Variants in SWT1 observed in about 807,000 individuals in gnomAD.
The protein encoded by SWT1 is SWT1 RNA endoribonuclease homolog, also known as transcriptional protein SWT1.
Under a neutral mutation model 107.3 loss-of-function variants are expected in SWT1, and 33 were observed. That is an observed-to-expected ratio of 0.31 (90% CI 0.23 to 0.41). The LOEUF (loss-of-function observed/expected upper bound fraction) is 0.41. Among genes scored for constraint, SWT1 ranks in the 10% least tolerant of loss-of-function variants. The pLI, the probability that SWT1 is intolerant of heterozygous loss-of-function variation, is 1.00. For missense variants in SWT1, 898 were observed against 1,028.9 expected, an observed-to-expected ratio of 0.87 and a Z score of 1.74; for synonymous variants, 345 against 348.3, an observed-to-expected ratio of 0.99 and a Z score of 0.11.
intron 10 of SWT1, among the ~76,000 whole-genome samples, chr1:185,193,436 T>A (rs1281176503): frequency 6.6e-6 from 1 of 151,924 alleles, no homozygotes; most frequent in African/African-American, 2.4e-5. Flanking sequence ...CTTCAGGTCT[T>A]CTATAACCTT....
chr1:185,191,347 A>G (rs576208546), intron 10 of SWT1, among the ~76,000 whole-genome samples: 2 of 152,300 alleles, frequency 1.3e-5, no homozygotes, highest in African/African-American at 4.8e-5. Flanking sequence ...TGTATGAGAA[A>G]AGGTTCTGAA....
At chr1:185,182,773 A>G (rs945361425) in intron 7 of SWT1, among the ~76,000 whole-genome samples, 3 of 150,964 alleles carry the variant, frequency 2.0e-5, no homozygotes, top group Admixed American at 6.6e-5. Context: ...TTTTTTTGCT[A>G]CTGGGAGAAG....
At chr1:185,158,158 C>T (rs1653796372) in intron 1 of SWT1, among the ~76,000 whole-genome samples, 1 of 152,134 alleles carries the variant, frequency 6.6e-6, no homozygotes, top group Non-Finnish European at 1.5e-5. Flanking sequence ...CTATTTGTTT[C>T]CTACTTGTTT....
At chr1:185,175,146 T>C in intron 5 of SWT1, 33 bp downstream of exon 5, 1 of 1,406,082 alleles carries the variant, frequency 7.1e-7, no homozygotes, top group Non-Finnish European at 9.4e-7. Flanking sequence ...ATATAGGTTT[T>C]AACTGAGAGT....
At chr1:185,264,071 C>T (rs540402933) in intron 16 of SWT1, 1 of 152,310 alleles carries the variant, frequency 6.6e-6, no homozygotes, top group South Asian at 2.1e-4. Context: ...GGTCTCTCCT[C>T]ATTTAGTTGG....
At chr1:185,265,046 A>G (rs1450089775) in intron 16 of SWT1, among the ~76,000 whole-genome samples, 1 of 152,128 alleles carries the variant, frequency 6.6e-6, no homozygotes, top group Non-Finnish European at 1.5e-5. Flanking sequence ...CCCACCACCA[A>G]CTTAAAAAAT....
At chr1:185,221,759 C>A in intron 14 of SWT1, 90 bp from the exon 15 acceptor site, 1 of 854,996 alleles carries the variant, frequency 1.2e-6, no homozygotes. Context: ...TCTCAGAAAG[C>A]TAGAACATTT....
At chr1:185,227,502 A>G in intron 15 of SWT1, 1 of 551,492 alleles carries the variant, frequency 1.8e-6, no homozygotes. Context: ...CTATACGAGC[A>G]GAAGCAGTCT....
At chr1:185,184,091 T>G in intron 7 of SWT1, 152 bp from the exon 8 acceptor site, 1 of 514,174 alleles carries the variant, frequency 1.9e-6, no homozygotes. Context: ...AGCTTGAGAG[T>G]CTAGCCAACT....
At chr1:185,274,371 G>C (rs1416910984) in intron 17 of SWT1, among the ~76,000 whole-genome samples, 1 of 149,800 alleles carries the variant, frequency 6.7e-6, no homozygotes, top group Admixed American at 6.7e-5. Flanking sequence ...TGACCCACTA[G>C]ATCCTTGAAC....
At chr1:185,217,788 G>T (rs919121516) in intron 14 of SWT1, among the ~76,000 whole-genome samples, 1 of 152,126 alleles carries the variant, frequency 6.6e-6, no homozygotes, top group Admixed American at 6.6e-5. Context: ...TAGAGACAGG[G>T]TTTCACCATG....
chr1:185,172,128 C>A (rs1417020383), intron 4 of SWT1, among the ~76,000 whole-genome samples: 1 of 152,174 alleles, frequency 6.6e-6, no homozygotes, highest in African/African-American at 2.4e-5. Context: ...AGAGTGATGG[C>A]ACTGAAAAGG....
At chr1:185,169,250 A>G (rs1654840717) in intron 4 of SWT1, among the ~76,000 whole-genome samples, 1 of 145,968 alleles carries the variant, frequency 6.9e-6, no homozygotes, top group African/African-American at 2.5e-5. Flanking sequence ...CATTTTTTGA[A>G]CCATTTTAAT....
intron 16 of SWT1, chr1:185,263,776 C>T (rs1230979744): frequency 1.3e-5 from 2 of 152,124 alleles, no homozygotes; most frequent in African/African-American, 4.8e-5. Flanking sequence ...GAAACTGGGA[C>T]TAGAATTTTA....
chr1:185,287,771 C>G (rs1337523395), intron 18 of SWT1, among the ~76,000 whole-genome samples: 1 of 152,160 alleles, frequency 6.6e-6, no homozygotes, highest in Non-Finnish European at 1.5e-5. Context: ...ATAGGCCAAG[C>G]AGACACTATG....
intron 16 of SWT1, among the ~76,000 whole-genome samples, chr1:185,237,406 A>G (rs1237972788): frequency 1.3e-5 from 2 of 152,128 alleles, no homozygotes; most frequent in Non-Finnish European, 2.9e-5. Flanking sequence ...TTGCAGGGAG[A>G]TGGATGACTC....
intron 16 of SWT1, among the ~76,000 whole-genome samples, chr1:185,248,991 G>A (rs1661810790): frequency 6.6e-6 from 1 of 152,008 alleles, no homozygotes; most frequent in African/African-American, 2.4e-5. Context: ...TTTGTTTTTT[G>A]TAATGTTTTG....
At chr1:185,241,544 GCCA>G (rs1558067709) in intron 16 of SWT1, among the ~76,000 whole-genome samples, 1 of 151,896 alleles carries the variant, frequency 6.6e-6, no homozygotes, top group African/African-American at 2.4e-5. Flanking sequence ...CATCCTTCAT[GCCA>G]CCATTTTGTA....
chr1:185,208,415 G>A (rs1431374616), intron 13 of SWT1, among the ~76,000 whole-genome samples: 2 of 152,134 alleles, frequency 1.3e-5, no homozygotes, highest in African/African-American at 4.8e-5. Flanking sequence ...CAGTTAGATA[G>A]GAGGAATAAG....
Sources: allele counts gnomAD v4.1 joint callset (sites outside exome capture counted in the v4.1 genomes callset), GRCh38; gene constraint gnomAD v4.1.1; transcripts MANE v1.5; gene names NCBI Gene and HGNC (gene_info 2026-07-23, HGNC 2026-07-21).